The following SPIDR variants were observed in gnomAD, a reference collection of about 807,000 sequenced individuals.
The protein encoded by SPIDR is DNA repair-scaffolding protein.
A neutral mutation model predicts 104.6 loss-of-function variants in SPIDR; 93 were observed. The ratio of observed to expected loss-of-function variants is 0.89; its 90% confidence interval spans 0.75 to 1.06. The LOEUF (loss-of-function observed/expected upper bound fraction) is 1.06, where lower values mean the gene tolerates loss of function less well. Ranked by LOEUF, SPIDR falls within the 50% of genes least tolerant of loss-of-function variation. The probability of loss-of-function intolerance (pLI) is 0.00; values close to 1 mark genes in which losing one functional copy is unlikely to be tolerated. For synonymous variants in SPIDR, 431 were observed against 416.9 expected (o/e 1.03, Z -0.41); for missense variants, 1,154 against 1,111.2 (o/e 1.04, Z -0.55).
chr8:47,650,882 G>A (rs777887051), intron 10 of SPIDR, among the ~76,000 whole-genome samples: 3 of 152,210 alleles, frequency 2.0e-5, no homozygotes, highest in Non-Finnish European at 4.4e-5. Flanking sequence ...ATTGGTGATG[G>A]GAAAACTGAA....
intron 10 of SPIDR, among the ~76,000 whole-genome samples, chr8:47,661,232 C>A (rs1362388741): frequency 6.6e-6 from 1 of 152,198 alleles, no homozygotes. Context: ...TCATTCTAAA[C>A]ACACATGTCC....
At position 47,599,254 on chromosome 8, in the gene SPIDR, C is replaced by T. The variant is rs1588230703; in HGVS notation, c.1544+58C>T. The T allele has an allele frequency of 1.9e-6, 3 of 1,587,662 alleles. No individual in the cohort carries two copies. The East Asian group carries it at 6.8e-5, about 36-fold the overall frequency. The stretch of plus-strand genomic sequence containing the variant: ...TGAAGAGTCACTTAGACAGAGTGCT[C>T]TAGAAAGTGGAGCCTCTTCTCAGAG... On this transcript the variant is annotated intron_variant, in intron 10 of 19. Transcript: ENST00000297423.
intron 8 of SPIDR, among the ~76,000 whole-genome samples, chr8:47,582,094 G>A (rs972663640): frequency 6.6e-6 from 1 of 152,038 alleles, no homozygotes; most frequent in Non-Finnish European, 1.5e-5. Context: ...GCGGGTGCCT[G>A]TAATCTCAGC....
chr8:47,509,670 A>T (rs1286142704), intron 8 of SPIDR, among the ~76,000 whole-genome samples: 1 of 152,218 alleles, frequency 6.6e-6, no homozygotes, highest in Non-Finnish European at 1.5e-5. Context: ...CTTCCTCTTT[A>T]GATAACTGTA....
chr8:47,359,826 G>T (rs185392088), intron 5 of SPIDR, among the ~76,000 whole-genome samples: 2 of 152,176 alleles, frequency 1.3e-5, no homozygotes, highest in Admixed American at 1.3e-4. Flanking sequence ...GGGATACTTC[G>T]TAAGAACAAG....
intron 12 of SPIDR, among the ~76,000 whole-genome samples, chr8:47,701,347 G>A (rs942374578): frequency 2.6e-5 from 4 of 152,154 alleles, no homozygotes; most frequent in African/African-American, 7.2e-5. Flanking sequence ...CAGGAGAATC[G>A]CTTGAACCCA....
intron 8 of SPIDR, among the ~76,000 whole-genome samples, chr8:47,469,155 C>G (rs1284640825): frequency 6.6e-6 from 1 of 152,196 alleles, no homozygotes; most frequent in Middle Eastern, 3.4e-3. Flanking sequence ...CCATCTCACA[C>G]CAATTAGAAT....
chr8:47,393,976 C>T (rs782361174), intron 5 of SPIDR, among the ~76,000 whole-genome samples: 87 of 151,926 alleles, frequency 5.7e-4, no homozygotes, highest in Non-Finnish European at 1.1e-3. Flanking sequence ...GTGATCTTAG[C>T]TCACTGCAAC....
At chr8:47,730,194 G>C in intron 19 of SPIDR, among the ~76,000 whole-genome samples, 1 of 152,148 alleles carries the variant, frequency 6.6e-6, no homozygotes, top group Non-Finnish European at 1.5e-5. Context: ...GAGTCACTGT[G>C]GTGAATCTTA....
chr8:47,305,823 A>T (rs1365390923), intron 5 of SPIDR, among the ~76,000 whole-genome samples: 2 of 152,206 alleles, frequency 1.3e-5, no homozygotes, highest in African/African-American at 4.8e-5. Context: ...AATACACATA[A>T]CATAAAATTT....
chr8:47,582,542 G>A (rs2059812164), intron 8 of SPIDR, among the ~76,000 whole-genome samples: 1 of 152,012 alleles, frequency 6.6e-6, no homozygotes, highest in South Asian at 2.1e-4. Flanking sequence ...CTATTAAATT[G>A]TTCCCTGTTT....
chr8:47,489,199 A>T (rs2078233956), intron 8 of SPIDR, among the ~76,000 whole-genome samples: 1 of 152,218 alleles, frequency 6.6e-6, no homozygotes, highest in African/African-American at 2.4e-5. Flanking sequence ...GCATTCTTAT[A>T]CACCAATAAC....
At chr8:47,647,476 G>T (rs1011711489) in intron 10 of SPIDR, among the ~76,000 whole-genome samples, 1 of 152,090 alleles carries the variant, frequency 6.6e-6, no homozygotes, top group African/African-American at 2.4e-5. Context: ...TTAGCCAGGC[G>T]TGTTGGTGCA....
chr8:47,347,752 A>C (rs2052453087), intron 5 of SPIDR, among the ~76,000 whole-genome samples: 1 of 152,008 alleles, frequency 6.6e-6, no homozygotes, highest in Admixed American at 6.6e-5. Flanking sequence ...CTGTTTTATC[A>C]GACTAGGATT....
intron 8 of SPIDR, among the ~76,000 whole-genome samples, chr8:47,531,080 T>C (rs1412171189): frequency 6.6e-6 from 1 of 152,104 alleles, no homozygotes; most frequent in Non-Finnish European, 1.5e-5. Context: ...AGCTATTTTT[T>C]AAAAATGTTT....
At chr8:47,665,517 C>T (rs929374604) in intron 10 of SPIDR, among the ~76,000 whole-genome samples, 1 of 152,016 alleles carries the variant, frequency 6.6e-6, no homozygotes, top group Non-Finnish European at 1.5e-5. Flanking sequence ...CTAATTCTTA[C>T]ATAAAATTTC....
chr8:47,560,312 T>A (rs1191887690), intron 8 of SPIDR, among the ~76,000 whole-genome samples: 1 of 152,220 alleles, frequency 6.6e-6, no homozygotes, highest in East Asian at 1.9e-4. Flanking sequence ...TCCTCTCCAC[T>A]GTACAGATTC....
intron 7 of SPIDR, among the ~76,000 whole-genome samples, chr8:47,415,043 A>G (rs138877505): frequency 0.02 from 3,098 of 152,074 alleles, 66 homozygotes; most frequent in Non-Finnish European, 0.025. Flanking sequence ...AGCTGGGACT[A>G]CAGGCACCCG....
At chr8:47,624,743 C>T (rs2065762133) in intron 10 of SPIDR, among the ~76,000 whole-genome samples, 1 of 152,120 alleles carries the variant, frequency 6.6e-6, no homozygotes, top group South Asian at 2.1e-4. Flanking sequence ...AGGCAATAAT[C>T]AATACCTTAC....
Sources: allele counts gnomAD v4.1 joint callset (sites outside exome capture counted in the v4.1 genomes callset), GRCh38; gene constraint gnomAD v4.1.1; transcripts MANE v1.5; gene names NCBI Gene and HGNC (gene_info 2026-07-23, HGNC 2026-07-21).